ALK: variants seen among roughly 807,000 people sequenced by gnomAD.
ALK encodes ALK receptor tyrosine kinase.
ALK carries 74 observed loss-of-function variants against 163.1 expected under a neutral mutation model. The ratio of observed to expected loss-of-function variants is 0.45; its 90% CI spans 0.38 to 0.55. The LOEUF (loss-of-function observed/expected upper bound fraction) is 0.55. ALK is among the 20% of genes least tolerant of loss of function. ALK has a pLI of 0.00. For missense variants in ALK, 2,063 were observed against 2,105.3 expected (o/e 0.98, Z 0.39); for synonymous variants, 960 against 843.2 (o/e 1.14, Z -2.40).
chr2:29,506,687 G>A (rs944766363), intron 4 of ALK, among the ~76,000 whole-genome samples: 20 of 151,944 alleles, frequency 1.3e-4, no homozygotes, highest in South Asian at 2.1e-4. Context: ...CAGAGCTTGC[G>A]GTGAGCCGAG....
At chr2:29,674,867 T>C (rs1454083985) in intron 3 of ALK, among the ~76,000 whole-genome samples, 1 of 37,838 alleles carries the variant, frequency 2.6e-5, no homozygotes, top group Non-Finnish European at 4.9e-5. Flanking sequence ...GTTATTTGTC[T>C]ATTCAGGATT....
At chr2:29,261,341 G>T (rs1665083704) in intron 11 of ALK, among the ~76,000 whole-genome samples, 1 of 151,760 alleles carries the variant, frequency 6.6e-6, no homozygotes, top group Non-Finnish European at 1.5e-5. Context: ...TGGGTTTTCA[G>T]TTTTGATATA....
chr2:29,757,581 GTTTT>G (rs1382486424), intron 1 of ALK, among the ~76,000 whole-genome samples: 1 of 119,440 alleles, frequency 8.4e-6, no homozygotes, highest in African/African-American at 3.0e-5. Flanking sequence ...CAAGCATCTT[GTTTT>G]TGTTTGTTTG....
chr2:29,764,551 G>A (rs1680804078), intron 1 of ALK, among the ~76,000 whole-genome samples: 1 of 152,120 alleles, frequency 6.6e-6, no homozygotes, highest in Non-Finnish European at 1.5e-5. Context: ...GCACACACTT[G>A]GGGCCAGGCA....
intron 11 of ALK, among the ~76,000 whole-genome samples, chr2:29,252,483 G>A (rs180717379): frequency 4.1e-4 from 62 of 152,260 alleles, no homozygotes; most frequent in Admixed American, 7.2e-4. Flanking sequence ...ATTTAATTAC[G>A]TAAATGTGAA....
intron 4 of ALK, among the ~76,000 whole-genome samples, chr2:29,521,371 C>G (rs980778986): frequency 1.3e-5 from 2 of 152,162 alleles, no homozygotes; most frequent in Non-Finnish European, 2.9e-5. Context: ...GCAGGGGGAA[C>G]ACAATCAGTC....
At chr2:29,302,283 C>T (rs1003952834) in intron 8 of ALK, among the ~76,000 whole-genome samples, 11 of 152,206 alleles carry the variant, frequency 7.2e-5, no homozygotes, top group Non-Finnish European at 1.2e-4. Context: ...TTTGGGAGGC[C>T]GAGGCAGGTG....
chr2:29,247,084 C>T (rs1302192172), intron 12 of ALK, among the ~76,000 whole-genome samples: 5 of 152,206 alleles, frequency 3.3e-5, no homozygotes, highest in Non-Finnish European at 7.4e-5. Context: ...CTGGCAGAAG[C>T]CATTCACAAG....
chr2:29,561,960 C>T (rs1674036039), intron 3 of ALK, among the ~76,000 whole-genome samples: 4 of 152,172 alleles, frequency 2.6e-5, no homozygotes, highest in Admixed American at 2.6e-4. Flanking sequence ...TACTGAGAAT[C>T]ACTGACCCAG....
intron 3 of ALK, among the ~76,000 whole-genome samples, chr2:29,617,585 C>A (rs1229609429): frequency 2.0e-5 from 3 of 152,334 alleles, no homozygotes; most frequent in Non-Finnish European, 4.4e-5. Context: ...TTCCTCCTGA[C>A]TTTGGCCCCT....
chr2:29,220,660 C>T (rs759887528), intron 23 of ALK, 46 bp downstream of exon 23: 7 of 1,612,168 alleles, frequency 4.3e-6, no homozygotes, highest in Admixed American at 3.3e-5. Flanking sequence ...CATCCTTGCT[C>T]CTGTCCTTGG....
chr2:29,334,648 C>G (rs1168351908), intron 5 of ALK, among the ~76,000 whole-genome samples: 1 of 152,174 alleles, frequency 6.6e-6, no homozygotes, highest in African/African-American at 2.4e-5. Context: ...GACCTGTCTT[C>G]CTGGGTGGAA....
At position 29,193,122 on chromosome 2, in the gene ALK, C is replaced by CA; in HGVS notation, c.*101dup. On this transcript the variant is annotated 3_prime_UTR_variant, in exon 29 of 29. Transcript: ENST00000389048. ...TACTTCAAAATAGGTTGGCACAAAA[C>CA]AAAACGTGACATTTGGTCTCTGGTT... The CA allele has an allele frequency of 7.5e-7, 1 of 1,337,896 alleles. No individual in the cohort carries two copies. Among genetic ancestry groups the CA allele is most frequent in the Non-Finnish European group, 1.1e-6 (1 of 949,716 alleles). The allele number at this position is 1,337,896 out of a possible 1,614,324, so 82.9% of individuals were successfully genotyped here.
At position 29,853,155 on chromosome 2, in the gene ALK, T is replaced by A. The variant is rs1666048582; in HGVS notation, c.667+66838A>T. 2.0e-5 allele frequency among the ~76,000 whole-genome samples: 3 copies of A among 152,214 alleles called. No individual in the cohort carries two copies. The South Asian group carries it at 6.2e-4, about 32-fold the overall frequency. On this transcript the variant is annotated intron_variant, in intron 1 of 28. Transcript: ENST00000389048. Reference sequence around the variant, plus strand: ...TATATGGGAATCGAAAGCAGCCTTATTGATTTAGGCTTTAAACATCATCAA... The same window carrying A: ...TATATGGGAATCGAAAGCAGCCTTAATGATTTAGGCTTTAAACATCATCAA...
At chr2:29,732,014 A>T (rs953065409) in intron 1 of ALK, among the ~76,000 whole-genome samples, 1 of 152,084 alleles carries the variant, frequency 6.6e-6, no homozygotes, top group Non-Finnish European at 1.5e-5. Flanking sequence ...CACTGGGTAA[A>T]CCCTGGTCAT....
At chr2:29,414,510 C>A (rs1223712064) in intron 4 of ALK, among the ~76,000 whole-genome samples, 1 of 152,054 alleles carries the variant, frequency 6.6e-6, no homozygotes, top group Non-Finnish European at 1.5e-5. Context: ...ATAGTAGGCC[C>A]CTGGCCATCT....
chr2:29,713,797 T>C (rs1053532424), intron 2 of ALK, among the ~76,000 whole-genome samples: 2 of 151,958 alleles, frequency 1.3e-5, no homozygotes, highest in Admixed American at 6.6e-5. Flanking sequence ...TAATACAACT[T>C]AAATGAGAAA....
intron 4 of ALK, among the ~76,000 whole-genome samples, chr2:29,510,214 C>T (rs1368077016): frequency 6.6e-6 from 1 of 152,218 alleles, no homozygotes; most frequent in African/African-American, 2.4e-5. Context: ...AAACCTGTGG[C>T]TCCTTTAATT....
intron 1 of ALK, among the ~76,000 whole-genome samples, chr2:29,868,219 T>G (rs1666490186): frequency 6.6e-6 from 1 of 152,160 alleles, no homozygotes; most frequent in South Asian, 2.1e-4. Flanking sequence ...CACCTCAAGA[T>G]GGGAGGTGGC....
Sources: gnomAD v4.1 joint callset for allele counts (sites outside exome capture counted in the v4.1 genomes callset) on GRCh38, gnomAD v4.1.1 for gene constraint, MANE v1.5 for transcripts, NCBI Gene and HGNC (gene_info 2026-07-23, HGNC 2026-07-21) for gene names.